Variants in LNX1 observed in about 807,000 individuals in gnomAD.
LNX1 encodes ligand of numb-protein X 1.
LNX1 carries 54 observed loss-of-function variants against 68.4 expected under a neutral mutation model. The ratio of observed to expected loss-of-function variants is 0.79; its 90% CI spans 0.63 to 0.99. The LOEUF is 0.99. Among genes scored for constraint, LNX1 ranks in the 50% least tolerant of loss-of-function variants. LNX1 has a pLI of 0.00. For missense variants in LNX1, 906 were observed against 926.4 expected (o/e 0.98, Z 0.29); for synonymous variants, 336 against 350.0 (o/e 0.96, Z 0.45).
chr4:53,496,607 G>T, intron 5 of LNX1: 1 of 520,454 alleles, frequency 1.9e-6, no homozygotes, highest in Non-Finnish European at 3.4e-6. Context: ...TCTGTGAGTA[G>T]ACACCATCTT....
chr4:53,584,258 C>T (rs1226708749), intron 1 of LNX1, among the ~76,000 whole-genome samples: 1 of 152,090 alleles, frequency 6.6e-6, no homozygotes. Flanking sequence ...TGTTTCAATT[C>T]TACAGGGGTC....
chr4:53,576,043 G>A (rs943659208), intron 1 of LNX1: 2 of 1,565,410 alleles, frequency 1.3e-6, no homozygotes, highest in South Asian at 1.2e-5. Flanking sequence ...CACCTTCAGG[G>A]ACCAGCTCCA....
chr4:53,639,557 TG>T (rs1195782943), intron 1 of LNX1, among the ~76,000 whole-genome samples: 1 of 152,234 alleles, frequency 6.6e-6, no homozygotes, highest in Non-Finnish European at 1.5e-5. Flanking sequence ...ATTTATTGAT[TG>T]GCTGATGAAA....
At chr4:53,486,040 T>TA (rs1168608430) in intron 6 of LNX1, among the ~76,000 whole-genome samples, 4 of 152,254 alleles carry the variant, frequency 2.6e-5, no homozygotes. Context: ...AGACATGACT[T>TA]AAAGTTTCCT....
At chr4:53,463,087 G>A (rs1214981453) in intron 9 of LNX1, among the ~76,000 whole-genome samples, 1 of 152,060 alleles carries the variant, frequency 6.6e-6, no homozygotes, top group African/African-American at 2.4e-5. Flanking sequence ...TAATTGCCCA[G>A]TTTGATTCTT....
chr4:53,475,258 A>G (rs9997844), intron 9 of LNX1, among the ~76,000 whole-genome samples: 123,706 of 152,226 alleles, frequency 0.81, 50,398 homozygotes, highest in Non-Finnish European at 0.85. Context: ...AAAACAAAAT[A>G]ATTTTAATAG....
At chr4:53,618,594 G>C (rs964839214), upstream of LNX1, among the ~76,000 whole-genome samples, 6 of 152,076 alleles carry the variant, frequency 3.9e-5, no homozygotes, top group Admixed American at 3.9e-4. Context: ...ACTAACCCTC[G>C]GATGTGCACA....
intron 1 of LNX1, among the ~76,000 whole-genome samples, chr4:53,647,525 G>A (rs1734930487): frequency 6.6e-6 from 1 of 152,106 alleles, no homozygotes; most frequent in Non-Finnish European, 1.5e-5. Context: ...TCTCAGAGAA[G>A]AAGTCTGCTA....
chr4:53,465,299 C>A (rs1325697759), intron 9 of LNX1, among the ~76,000 whole-genome samples: 1 of 152,154 alleles, frequency 6.6e-6, no homozygotes, highest in East Asian at 1.9e-4. Context: ...GACAGAACTT[C>A]TCTTTACTTG....
At chr4:53,557,320 G>A (rs1026846515) in intron 2 of LNX1, among the ~76,000 whole-genome samples, 1 of 152,172 alleles carries the variant, frequency 6.6e-6, no homozygotes, top group Non-Finnish European at 1.5e-5. Context: ...ATTAAATCAA[G>A]GCAATGGAAA....
chr4:53,490,881 G>A (rs1222026621), intron 6 of LNX1, among the ~76,000 whole-genome samples: 1 of 152,092 alleles, frequency 6.6e-6, no homozygotes, highest in Non-Finnish European at 1.5e-5. Context: ...CCAACATTCC[G>A]TGTTTTCCAT....
intron 2 of LNX1, among the ~76,000 whole-genome samples, chr4:53,571,401 G>T (rs566625738): frequency 1.3e-5 from 2 of 152,048 alleles, no homozygotes; most frequent in South Asian, 4.1e-4. Context: ...TTATAGGAGG[G>T]AGGCAGGAGT....
At chr4:53,587,266 G>A (rs534713174) in intron 1 of LNX1, among the ~76,000 whole-genome samples, 3 of 152,240 alleles carry the variant, frequency 2.0e-5, no homozygotes, top group African/African-American at 4.8e-5. Context: ...GACAACAAAC[G>A]TTTTCTGTTC....
Position 53,496,276 on chromosome 4 carries a change from T to C in LNX1, c.1097A>G (p.Asn366Ser), listed in dbSNP as rs1308600586. The C allele has an allele frequency of 3.7e-6, 6 of 1,614,146 alleles. No homozygotes were observed. The Admixed American group carries it at 6.7e-5, about 18-fold the overall frequency. ...TCTGTAGGCATCCGGGGCCTGTCCA[T>C]TGTTCCTGCTGCGGAACTTCTGTTC... ...MREQKFRSRN[N>S]GQAPDAYRPR... The change falls in exon 6 of 11, where the codon AAT (asparagine) becomes AGT (serine). Residue 366 changes from asparagine (N) to serine (S), a missense_variant. Coordinates refer to ENST00000263925, the MANE Select transcript of LNX1 (RefSeq NM_001126328.3).
intron 2 of LNX1, among the ~76,000 whole-genome samples, chr4:53,612,269 A>C (rs553885900): frequency 3.3e-4 from 51 of 152,332 alleles, no homozygotes; most frequent in African/African-American, 1.2e-3. Flanking sequence ...GAGAACTTTC[A>C]TACAGCTTAG....
chr4:53,565,566 C>CT (rs1730613397), intron 2 of LNX1, among the ~76,000 whole-genome samples: 2 of 151,914 alleles, frequency 1.3e-5, no homozygotes, highest in African/African-American at 4.8e-5. Flanking sequence ...AACAGAAAAA[C>CT]TGGAAACTCT....
intron 2 of LNX1, among the ~76,000 whole-genome samples, chr4:53,528,291 TGCAGC>T (rs1666477679): frequency 6.6e-6 from 1 of 152,252 alleles, no homozygotes; most frequent in South Asian, 2.1e-4. Context: ...TGTGGTCAAC[TGCAGC>T]TTCAAACTAT....
intron 6 of LNX1, among the ~76,000 whole-genome samples, chr4:53,485,216 C>T (rs1248019577): frequency 1.3e-5 from 2 of 152,186 alleles, no homozygotes; most frequent in Non-Finnish European, 2.9e-5. Flanking sequence ...GGTGAACATT[C>T]AGGTCAAAAC....
chr4:53,590,553 G>A (rs920589394), intron 1 of LNX1, among the ~76,000 whole-genome samples: 6 of 151,966 alleles, frequency 3.9e-5, no homozygotes, highest in Admixed American at 2.0e-4. Flanking sequence ...AACAAAAATG[G>A]ATCCTAGAGG....
Sources: gnomAD v4.1 joint callset for allele counts (sites outside exome capture counted in the v4.1 genomes callset) on GRCh38, gnomAD v4.1.1 for gene constraint, MANE v1.5 for transcripts, NCBI Gene and HGNC (gene_info 2026-07-23, HGNC 2026-07-21) for gene names.